HNRNPA2B1: variants seen among roughly 807,000 people sequenced by gnomAD.
The protein encoded by HNRNPA2B1 is heterogeneous nuclear ribonucleoprotein A2/B1.
In HNRNPA2B1, 3 loss-of-function variants were observed where a neutral mutation model predicts 46.3. The observed-to-expected ratio is 0.06, with a 90% CI of 0.03 to 0.17. HNRNPA2B1 has a LOEUF of 0.17. HNRNPA2B1 is among the 10% of genes least tolerant of loss of function. HNRNPA2B1 has a pLI of 1.00. For synonymous variants in HNRNPA2B1, 225 were observed against 133.8 expected (o/e 1.68, Z -4.70); for missense variants, 221 against 418.9 (o/e 0.53, Z 4.12).
At chr7:26,199,766 A>G (rs1483638853) in intron 1 of HNRNPA2B1, 2 of 152,194 alleles carry the variant, frequency 1.3e-5, no homozygotes, top group Admixed American at 1.3e-4. Flanking sequence ...GAAAAAAAAG[A>G]CAGGAAAAAC....
rs760373015 is a variant in HNRNPA2B1 at position 26,196,392 on chromosome 7, G to A, written c.658+9C>T. On this transcript the variant is annotated intron_variant, in intron 6 of 10. Coordinates refer to ENST00000618183, the MANE Select transcript of HNRNPA2B1 (RefSeq NM_002137.4). ...CTCATCCTTTAAACACGTAGAACTTGAAACTCACCAGATCCTCCTCTAAAG... is the reference window on the plus strand; with the variant it reads ...CTCATCCTTTAAACACGTAGAACTTAAAACTCACCAGATCCTCCTCTAAAG... 23 of 1,608,078 alleles carry A rather than the reference G, an allele frequency of 1.4e-5. No individual in the cohort carries two copies. In the South Asian group the frequency reaches 2.2e-4, roughly 15 times the overall value.
At position 26,197,301 on chromosome 7, in the gene HNRNPA2B1, CATT is replaced by C. The variant is rs1291398347; in HGVS notation, c.264+11_264+13del. On this transcript the variant is annotated intron_variant, in intron 3 of 10. Transcript: ENST00000618183. ...TCTTCATGTTAATGCACAAGACAGT[CATT>C]GTTTGCTTACCTCTCTTGCTACAGC... 6.3e-7 allele frequency: 1 copy of C among 1,599,542 alleles called. No individual in the cohort carries two copies. The highest frequency in any genetic ancestry group is 8.5e-7 in the Non-Finnish European group (1 of 1,172,370).
Position 26,193,236 on chromosome 7 carries a change from A to G in HNRNPA2B1, c.964+15T>C, listed in dbSNP as rs781458403. The G allele has an allele frequency of 1.2e-6, 2 of 1,604,136 alleles. No individual in the cohort carries two copies. The stretch of plus-strand genomic sequence containing the variant: ...AATCACAAAAATCTGAATAACCTCA[A>G]TTTTTATAAATTACCTCCACCATAT... On this transcript the variant is annotated intron_variant, in intron 9 of 10. Coordinates refer to ENST00000618183, the MANE Select transcript of HNRNPA2B1 (RefSeq NM_002137.4).
rs1562692795 is a variant in HNRNPA2B1 at position 26,191,145 on chromosome 7, G to GA, written c.*1214dup. The GA allele has an allele frequency of 8.6e-6, 1 of 116,108 alleles. No homozygotes were observed. The highest frequency in any genetic ancestry group is 3.2e-5 in the African/African-American group (1 of 30,890). The allele number at this position is 116,108 out of a possible 1,614,324, so 7.2% of individuals were successfully genotyped here. On this transcript the variant is annotated 3_prime_UTR_variant, in exon 11 of 11. Coordinates refer to ENST00000618183, the MANE Select transcript of HNRNPA2B1 (RefSeq NM_002137.4). ...ATATCAATGCTAAAATTCCGGCAGG[G>GA]AAAAAAATGATATGTTAAGCACCCA...
intron 10 of HNRNPA2B1, 45 bp downstream of exon 10, chr7:26,192,450 T>G: frequency 1.5e-6 from 2 of 1,299,446 alleles, no homozygotes; most frequent in Non-Finnish European, 2.2e-6. Context: ...CCTGCAGCTA[T>G]GTCTCCCAAG....
intron 9 of HNRNPA2B1, among the ~76,000 whole-genome samples, chr7:26,193,035 C>A (rs890372215): frequency 2.6e-5 from 4 of 152,074 alleles, no homozygotes; most frequent in African/African-American, 9.7e-5. Context: ...CTACTGAACA[C>A]CCCCACCTCC....
At chr7:26,199,100 T>A (rs554447874) in intron 1 of HNRNPA2B1, 2 of 152,538 alleles carry the variant, frequency 1.3e-5, no homozygotes, top group South Asian at 2.1e-4. Context: ...CGTCAGCACA[T>A]AGGTTATCTC....
chr7:26,196,386 G>GA lies in HNRNPA2B1; in HGVS notation c.658+14dup, dbSNP rs745809741. ...AGCACACTCATCCTTTAAACACGTA[G>GA]AACTTGAAACTCACCAGATCCTCCT... On this transcript the variant is annotated intron_variant, in intron 6 of 10. Coordinates refer to ENST00000618183, the MANE Select transcript of HNRNPA2B1 (RefSeq NM_002137.4). 4.4e-6 allele frequency: 7 copies of GA among 1,597,514 alleles called. No individual in the cohort carries two copies. The South Asian group carries it at 5.5e-5, about 13-fold the overall frequency.
Position 26,196,789 on chromosome 7 carries a change from T to A in HNRNPA2B1, c.475+18A>T, listed in dbSNP as rs764410543. On this transcript the variant is annotated intron_variant, in intron 4 of 10. Coordinates refer to ENST00000618183, the MANE Select transcript of HNRNPA2B1 (RefSeq NM_002137.4). Reference sequence around the variant, plus strand: ...AATACACTGGAAAAAAACAGTACATTTGTGGTTAGACACTTACATACGATT... The same window carrying A: ...AATACACTGGAAAAAAACAGTACATATGTGGTTAGACACTTACATACGATT... The A allele has an allele frequency of 2.5e-6, 4 of 1,604,806 alleles. No individual in the cohort carries two copies. The highest frequency in any genetic ancestry group is 3.3e-5 in the Admixed American group (2 of 59,754).
rs572223546 is a variant in HNRNPA2B1, at chr7:26,194,622, G to T, written c.722-928C>A. Among the ~76,000 whole-genome samples the T allele has an allele frequency of 2.6e-5, 4 of 151,480 alleles. No homozygotes were observed. In the East Asian group the frequency reaches 7.8e-4, roughly 29 times the overall value. ...AGGCTGAGGTGGGAGGATGGCTTGA[G>T]ACTAAGATTGCAGTAAGCCAAGATC... On this transcript the variant is annotated intron_variant, in intron 7 of 10. Coordinates refer to ENST00000618183, the MANE Select transcript of HNRNPA2B1 (RefSeq NM_002137.4).
In HNRNPA2B1 at chr7:26,192,514, G is replaced by A. The variant is rs1466814485; in HGVS notation, c.*2C>T. 6.2e-7 allele frequency: 1 copy of A among 1,611,996 alleles called. No individual in the cohort carries two copies. The highest frequency in any genetic ancestry group is 8.5e-7 in the Non-Finnish European group (1 of 1,178,046). The stretch of plus-strand genomic sequence containing the variant: ...ACTTACCCATGGCAAATAGGAAGAA[G>A]CTCAGTATCGGCTCCTCCCACCATA... On this transcript the variant is annotated 3_prime_UTR_variant, in exon 10 of 11. Coordinates refer to ENST00000618183, the MANE Select transcript of HNRNPA2B1 (RefSeq NM_002137.4).
chr7:26,197,279 TC>T (rs1783757199), intron 3 of HNRNPA2B1, 35 bp downstream of exon 3: 2 of 1,563,550 alleles, frequency 1.3e-6, no homozygotes, highest in South Asian at 2.4e-5. Flanking sequence ...GCAGCGTTCT[TC>T]ATGTTAATGC....
chr7:26,193,597 A>T lies in HNRNPA2B1; in HGVS notation c.819T>A (p.Gly273=). 8 of 1,593,752 alleles carry T rather than the reference A, an allele frequency of 5.0e-6. No individual in the cohort carries two copies. Among genetic ancestry groups the T allele is most frequent in the Non-Finnish European group, 6.8e-6 (8 of 1,175,002 alleles). ...TACCTCCTCCATAGTTGTCATAACCACCTCCGTAGCCCCCACCCTGGTTGC... is the reference window on the plus strand; with the variant it reads ...TACCTCCTCCATAGTTGTCATAACCTCCTCCGTAGCCCCCACCCTGGTTGC... The part of the protein sequence containing the change: ...GYGNQGGGYG[G]GYDNYGGGNY... Residue 273 remains glycine (G), a synonymous_variant, in exon 8 of 11, where the codon GGT becomes GGA. Coordinates refer to ENST00000618183, the MANE Select transcript of HNRNPA2B1 (RefSeq NM_002137.4).
chr7:26,199,014 C>A (rs777654402), intron 1 of HNRNPA2B1: 2 of 152,090 alleles, frequency 1.3e-5, no homozygotes, highest in Non-Finnish European at 2.9e-5. Context: ...CTATGAGACA[C>A]AAAGCAGTCT....
At position 26,192,297 on chromosome 7, in the gene HNRNPA2B1, T is replaced by A. The variant is rs1583962967; in HGVS notation, c.*63A>T. The A allele has an allele frequency of 1.9e-6, 1 of 536,934 alleles. No individual in the cohort carries two copies. The highest frequency in any genetic ancestry group is 3.0e-5 in the East Asian group (1 of 33,248). 33.3% of individuals were successfully genotyped at this position (536,934 alleles called of 1,614,324 possible). On this transcript the variant is annotated 3_prime_UTR_variant, in exon 11 of 11. Transcript: ENST00000618183. ...ATTTCGATAACCTGAAGCTGTTCTG[T>A]TACCTCTGGGCTCTCATCCTCTCCT...
At chr7:26,197,050 C>A (rs1562715999) in intron 3 of HNRNPA2B1, 33 bp from the exon 4 acceptor site, 2 of 1,517,190 alleles carry the variant, frequency 1.3e-6, no homozygotes, top group Admixed American at 3.5e-5. Flanking sequence ...GTCATCCAAA[C>A]AGAAAAAAAC....
At chr7:26,199,458 ATAAC>A (rs554355215) in intron 1 of HNRNPA2B1, 127 of 152,408 alleles carry the variant, frequency 8.3e-4, no homozygotes, top group Middle Eastern at 6.8e-3. Context: ...TAATCGAAGT[ATAAC>A]TAAGGACAAA....
chr7:26,200,094 GAGTT>G (rs1303471689), intron 1 of HNRNPA2B1: 2 of 178,478 alleles, frequency 1.1e-5, no homozygotes, highest in African/African-American at 4.8e-5. Flanking sequence ...GAAAATAAAA[GAGTT>G]ATAAGGAAAA....
chr7:26,193,949 T>A (rs1418026538), intron 7 of HNRNPA2B1, among the ~76,000 whole-genome samples: 1 of 152,234 alleles, frequency 6.6e-6, no homozygotes, highest in Non-Finnish European at 1.5e-5. Flanking sequence ...ACTAAAAATC[T>A]TAAGTATCTT....
Sources: allele counts gnomAD v4.1 joint callset (sites outside exome capture counted in the v4.1 genomes callset), GRCh38; gene constraint gnomAD v4.1.1; transcripts MANE v1.5; gene names NCBI Gene and HGNC (gene_info 2026-07-23, HGNC 2026-07-21).